The following AUTS2 variants were observed in gnomAD, a reference collection of about 807,000 sequenced individuals.
The protein encoded by AUTS2 is activator of transcription and developmental regulator AUTS2.
Under a neutral mutation model 112.4 loss-of-function variants are expected in AUTS2, and 17 were observed. The observed-to-expected ratio is 0.15, with a 90% CI of 0.10 to 0.23. AUTS2 has a LOEUF of 0.23. AUTS2 is among the 10% of genes least tolerant of loss of function. The pLI is 1.00. For missense variants in AUTS2, 1,510 were observed against 1,701.6 expected, an observed-to-expected ratio of 0.89 and a Z score of 1.98; for synonymous variants, 751 against 702.7, an observed-to-expected ratio of 1.07 and a Z score of -1.09.
intron 5 of AUTS2, among the ~76,000 whole-genome samples, chr7:70,602,012 G>A (rs1275322272): frequency 6.6e-6 from 1 of 152,044 alleles, no homozygotes; most frequent in Non-Finnish European, 1.5e-5. Flanking sequence ...CCTCATGGTG[G>A]CAGTGCCATG....
chr7:70,088,172 G>A (rs1482901806), intron 2 of AUTS2, among the ~76,000 whole-genome samples: 1 of 151,990 alleles, frequency 6.6e-6, no homozygotes, highest in East Asian at 1.9e-4. Flanking sequence ...CGCCCAGGCT[G>A]GAGTGCAGTG....
intron 4 of AUTS2, among the ~76,000 whole-genome samples, chr7:70,248,481 A>G (rs115206735): frequency 4.6e-5 from 7 of 152,134 alleles, no homozygotes; most frequent in Non-Finnish European, 2.9e-5. Flanking sequence ...ATTTTTTTTA[A>G]AATTTTTTTC....
intron 4 of AUTS2, among the ~76,000 whole-genome samples, chr7:70,418,908 T>C (rs781271062): frequency 1.4e-4 from 21 of 152,136 alleles, no homozygotes; most frequent in Non-Finnish European, 3.1e-4. Context: ...ATATTGTATA[T>C]ATAACTCTAT....
rs1245445829 is a variant in AUTS2 at position 69,599,837 on chromosome 7, C to T, written c.184C>T (p.Pro62Ser). The T allele has an allele frequency of 3.1e-6, 5 of 1,611,522 alleles. No homozygotes were observed. Among genetic ancestry groups the T allele is most frequent in the Non-Finnish European group, 4.2e-6 (5 of 1,179,226 alleles). Residue 62 changes from proline (P) to serine (S), a missense_variant, in exon 1 of 19, where the codon CCC (proline) becomes TCC (serine). This residue lies in a region of AUTS2 where 535 missense variants were observed against 594.3 expected (regional missense o/e 0.90). Transcript: ENST00000342771. This position sits in a 1 kb window ranked among gnomAD's most constrained non-coding sequence, Gnocchi z 7.0. Reference protein sequence around the residue: ...SGSDKEDNGKPPSSAPSRPRP... With the variant: ...SGSDKEDNGKSPSSAPSRPRP... ...CTCCGACAAGGAAGACAATGGGAAG[C>T]CCCCGTCCTCCGCCCCGTCCCGGCC... is the stretch of plus-strand genomic sequence containing the variant.
At chr7:70,390,601 G>A (rs929336909) in intron 4 of AUTS2, among the ~76,000 whole-genome samples, 2 of 151,926 alleles carry the variant, frequency 1.3e-5, no homozygotes, top group Non-Finnish European at 2.9e-5. Flanking sequence ...ATAATTACAG[G>A]CATGAGGAGA....
At chr7:69,695,751 C>G (rs542601860) in intron 1 of AUTS2, among the ~76,000 whole-genome samples, 8 of 152,184 alleles carry the variant, frequency 5.3e-5, no homozygotes, top group African/African-American at 1.7e-4. Flanking sequence ...TGCCCCCCTC[C>G]CACAACTGCA....
chr7:70,663,571 G>T (rs556959782), intron 5 of AUTS2, among the ~76,000 whole-genome samples: 3 of 151,726 alleles, frequency 2.0e-5, no homozygotes, highest in South Asian at 2.1e-4. Context: ...TTTTCATCTC[G>T]TGGCTTTGCC....
chr7:70,547,308 G>A lies in AUTS2; in HGVS notation c.690+111527G>A, dbSNP rs113720537. 7.9e-3 allele frequency among the ~76,000 whole-genome samples: 1,204 copies of A among 152,310 alleles called. 16 individuals carry two copies. Among genetic ancestry groups the A allele is most frequent in the African/African-American group, 0.027 (1,139 of 41,560 alleles). Reference sequence around the variant, plus strand: ...CTTGCTCAGTCGCCCAGGCTGGAGTGCAGTGGCGCAATCTCGGCTCACTGC... The same window carrying A: ...CTTGCTCAGTCGCCCAGGCTGGAGTACAGTGGCGCAATCTCGGCTCACTGC... On this transcript the variant is annotated intron_variant, in intron 5 of 18. Coordinates refer to ENST00000342771, the MANE Select transcript of AUTS2 (RefSeq NM_015570.4).
intron 4 of AUTS2, among the ~76,000 whole-genome samples, chr7:70,182,368 G>A (rs539146682): frequency 1.3e-5 from 2 of 152,128 alleles, no homozygotes; most frequent in East Asian, 3.9e-4. Context: ...GCTTTACTCA[G>A]TTTTCAAGAT....
chr7:69,888,908 C>T (rs1234427554), intron 1 of AUTS2, among the ~76,000 whole-genome samples: 2 of 151,878 alleles, frequency 1.3e-5, no homozygotes, highest in African/African-American at 2.4e-5. Context: ...TTGGAGGGGA[C>T]AAATAAACTA....
intron 4 of AUTS2, among the ~76,000 whole-genome samples, chr7:70,238,889 GT>G (rs1812462456): frequency 6.6e-6 from 1 of 151,938 alleles, no homozygotes; most frequent in African/African-American, 2.4e-5. Context: ...TTTGTGTGTG[GT>G]TATAGGCCTG....
chr7:70,584,580 C>T (rs1802599020), intron 5 of AUTS2, among the ~76,000 whole-genome samples: 1 of 152,218 alleles, frequency 6.6e-6, no homozygotes, highest in South Asian at 2.1e-4. Flanking sequence ...ATAAAGAAGG[C>T]ATCTTGGGTG....
At chr7:70,319,902 G>T (rs533101772) in intron 4 of AUTS2, among the ~76,000 whole-genome samples, 3 of 152,116 alleles carry the variant, frequency 2.0e-5, no homozygotes, top group Non-Finnish European at 4.4e-5. Context: ...ATACGTAAAT[G>T]AATGAATGAA....
chr7:70,459,613 A>G (rs115738812), intron 5 of AUTS2, among the ~76,000 whole-genome samples: 2 of 152,214 alleles, frequency 1.3e-5, no homozygotes, highest in East Asian at 3.8e-4. Flanking sequence ...GTGTAACCTA[A>G]GTCTAAACTC....
chr7:70,264,585 A>G (rs1419875151), intron 4 of AUTS2, among the ~76,000 whole-genome samples: 1 of 152,032 alleles, frequency 6.6e-6, no homozygotes, highest in Non-Finnish European at 1.5e-5. Flanking sequence ...TTTCACTGGG[A>G]TTATCTAGGT....
At chr7:69,741,884 G>T (rs767469717) in intron 1 of AUTS2, among the ~76,000 whole-genome samples, 2 of 151,678 alleles carry the variant, frequency 1.3e-5, no homozygotes, top group Admixed American at 6.6e-5. Flanking sequence ...GCTCACTGCA[G>T]CCTCAACTTC....
At chr7:69,911,208 A>G (rs1795342148) in intron 2 of AUTS2, among the ~76,000 whole-genome samples, 1 of 152,204 alleles carries the variant, frequency 6.6e-6, no homozygotes, top group African/African-American at 2.4e-5. Flanking sequence ...GCTCCATGCA[A>G]GGCTGTGGCT....
At chr7:70,263,965 G>A (rs1246488676) in intron 4 of AUTS2, among the ~76,000 whole-genome samples, 1 of 152,160 alleles carries the variant, frequency 6.6e-6, no homozygotes, top group African/African-American at 2.4e-5. Flanking sequence ...AAGTTACCGG[G>A]GGGTCATGTA....
intron 4 of AUTS2, among the ~76,000 whole-genome samples, chr7:70,348,412 T>G (rs1791592519): frequency 6.6e-6 from 1 of 152,184 alleles, no homozygotes; most frequent in Non-Finnish European, 1.5e-5. Flanking sequence ...CTAACTACCT[T>G]TAAATCTCCT....
Sources: gnomAD v4.1 joint callset for allele counts (sites outside exome capture counted in the v4.1 genomes callset) on GRCh38, gnomAD v4.1.1 for gene constraint, gnomAD v4.1.1 regional missense constraint, Gnocchi (gnomAD v3.1) non-coding constraint, MANE v1.5 for transcripts, NCBI Gene and HGNC (gene_info 2026-07-23, HGNC 2026-07-21) for gene names.